The following ASF1A variants were observed in gnomAD, a reference collection of about 807,000 sequenced individuals.
The protein encoded by ASF1A is histone chaperone ASF1A.
ASF1A carries 5 observed loss-of-function variants against 22.0 expected under a neutral mutation model. The ratio of observed to expected loss-of-function variants is 0.23; its 90% CI spans 0.12 to 0.48. ASF1A has a LOEUF of 0.48. Among genes scored for constraint, ASF1A ranks in the 20% least tolerant of loss-of-function variants. The pLI is 0.99. For synonymous variants in ASF1A, 97 were observed against 86.7 expected, an observed-to-expected ratio of 1.12 and a Z score of -0.66; for missense variants, 137 against 240.6, an observed-to-expected ratio of 0.57 and a Z score of 2.85.
In ASF1A at chr6:118,900,762, C is replaced by G. The variant is rs1426733524; in HGVS notation, c.110-4C>G. 2 of 1,598,496 alleles carry G rather than the reference C, an allele frequency of 1.3e-6. No individual in the cohort carries two copies. Among genetic ancestry groups the G allele is most frequent in the Non-Finnish European group, 8.6e-7 (1 of 1,166,042 alleles). ...GAAATAATGCTTTGGTTTTTTAACC[C>G]TAGACTTGGAATGGAAAATTATCTA... is the stretch of plus-strand genomic sequence containing the variant. On this transcript the variant is annotated splice_polypyrimidine_tract_variant and splice_region_variant and intron_variant, in intron 1 of 3. Coordinates refer to ENST00000229595, the MANE Select transcript of ASF1A (RefSeq NM_014034.3).
intron 2 of ASF1A, among the ~76,000 whole-genome samples, chr6:118,901,464 A>T (rs554498213): frequency 6.7e-6 from 1 of 149,172 alleles, no homozygotes; most frequent in South Asian, 2.1e-4. Context: ...ATTATCTTAT[A>T]AGAGGACTAC....
chr6:118,896,648 A>G (rs1478203430), intron 1 of ASF1A, among the ~76,000 whole-genome samples: 1 of 152,158 alleles, frequency 6.6e-6, no homozygotes, highest in Non-Finnish European at 1.5e-5. Flanking sequence ...TTAGTATTTT[A>G]AAAAATATTT....
chr6:118,894,330 C>CT lies in ASF1A; in HGVS notation c.-83dup. 6.6e-7 allele frequency: 1 copy of CT among 1,526,656 alleles called. No homozygotes were observed. Among genetic ancestry groups the CT allele is most frequent in the Non-Finnish European group, 8.8e-7 (1 of 1,139,906 alleles). The allele number at this position is 1,526,656 out of a possible 1,614,324, so 94.6% of individuals were successfully genotyped here. ...GTCTGGCCGGCGCTGGAGCGGGGGT[C>CT]TGCGCTCTCCCGAGCGGCCGCGCGC... On this transcript the variant is annotated 5_prime_UTR_variant, in exon 1 of 4. Transcript: ENST00000229595.
Position 118,907,421 on chromosome 6 carries a change from C to T in ASF1A, c.422C>T (p.Ala141Val). 1 of 1,602,848 alleles carries T rather than the reference C, an allele frequency of 6.2e-7. No individual in the cohort carries two copies. The highest frequency in any genetic ancestry group is 8.5e-7 in the Non-Finnish European group (1 of 1,173,702). ...DFSKLQRNILASNPRVTRFHI... is the reference protein window; with the variant it reads ...DFSKLQRNILVSNPRVTRFHI... ...CTCTAGCTTCAAAGGAATATTTTGG[C>T]ATCTAATCCCAGGGTCACAAGATTC... The change falls in exon 4 of 4, where the codon GCA (alanine) becomes GTA (valine). Residue 141 changes from alanine (A) to valine (V), a missense_variant. Physicochemically the swap from Ala to Val is moderately conservative, Grantham distance 64. Around this residue, in one of 2 missense-constraint regions of ASF1A, gnomAD observed 96 missense variants for 196.7 expected, o/e 0.49. Transcript: ENST00000229595.
rs1295045226 is a variant in ASF1A, at chr6:118,907,450, A to G, written c.451A>G (p.Ile151Val). The change falls in exon 4 of 4, where the codon ATT becomes GTT. Residue 151 changes from isoleucine to valine, a missense_variant. Physicochemically the swap from Ile to Val is conservative, Grantham distance 29. This residue lies in a region of ASF1A where 96 missense variants were observed against 196.7 expected (regional missense o/e 0.49). Coordinates refer to ENST00000229595, the MANE Select transcript of ASF1A (RefSeq NM_014034.3). ...TAATCCCAGGGTCACAAGATTCCAC[A>G]TTAATTGGGAAGATAACACAGAAAA... is the stretch of plus-strand genomic sequence containing the variant. Reference protein sequence around the residue: ...ASNPRVTRFHINWEDNTEKLE... With the variant: ...ASNPRVTRFHVNWEDNTEKLE... 1.2e-6 allele frequency: 2 copies of G among 1,612,054 alleles called. No homozygotes were observed. Among genetic ancestry groups the G allele is most frequent in the East Asian group, 2.2e-5 (1 of 44,830 alleles).
At chr6:118,907,129 CAG>C (rs1195752304) in intron 3 of ASF1A, among the ~76,000 whole-genome samples, 1 of 152,074 alleles carries the variant, frequency 6.6e-6, no homozygotes, top group Non-Finnish European at 1.5e-5. Flanking sequence ...TTTTAGAAAA[CAG>C]AAGTATAGGA....
chr6:118,900,987 C>A, intron 2 of ASF1A, 106 bp downstream of exon 2: 1 of 772,924 alleles, frequency 1.3e-6, no homozygotes, highest in Non-Finnish European at 2.2e-6. Context: ...TAAAGAACTG[C>A]TTCTGCTGCA....
chr6:118,898,298 T>G (rs183818927), intron 1 of ASF1A, among the ~76,000 whole-genome samples: 77 of 152,344 alleles, frequency 5.1e-4, no homozygotes, highest in African/African-American at 1.9e-3. Context: ...AAAATAGGTT[T>G]ATAAATTATG....
chr6:118,901,964 T>C (rs1216635908), intron 2 of ASF1A, among the ~76,000 whole-genome samples: 1 of 152,208 alleles, frequency 6.6e-6, no homozygotes, highest in Non-Finnish European at 1.5e-5. Flanking sequence ...AGCTGCTACC[T>C]TTCCCTCCCC....
At chr6:118,906,830 T>C (rs1257622597) in intron 3 of ASF1A, among the ~76,000 whole-genome samples, 1 of 152,176 alleles carries the variant, frequency 6.6e-6, no homozygotes, top group Non-Finnish European at 1.5e-5. Context: ...GACAATAGAA[T>C]AGAATGTTCT....
Position 118,907,382 on chromosome 6 carries a change from A to T in ASF1A, c.403-20A>T. On this transcript the variant is annotated intron_variant, in intron 3 of 3. Coordinates refer to ENST00000229595, the MANE Select transcript of ASF1A (RefSeq NM_014034.3). ...AACTTTCTTAGTGTTTACCATTTGT[A>T]TGTTTCCTTTTTCCTCTAGCTTCAA... 1 of 1,525,094 alleles carries T rather than the reference A, an allele frequency of 6.6e-7. No individual in the cohort carries two copies. The highest frequency in any genetic ancestry group is 9.0e-7 in the Non-Finnish European group (1 of 1,116,352). The allele number at this position is 1,525,094 out of a possible 1,614,324, so 94.5% of individuals were successfully genotyped here.
intron 1 of ASF1A, among the ~76,000 whole-genome samples, chr6:118,900,221 G>C (rs1779715078): frequency 6.6e-6 from 1 of 152,176 alleles, no homozygotes; most frequent in Non-Finnish European, 1.5e-5. Context: ...TTGATGAGCT[G>C]AAGCCACTTA....
intron 2 of ASF1A, among the ~76,000 whole-genome samples, chr6:118,903,080 C>T (rs886389785): frequency 3.3e-5 from 5 of 152,058 alleles, no homozygotes; most frequent in African/African-American, 1.2e-4. Flanking sequence ...TTGTAAAATG[C>T]TTTTTAAAAG....
chr6:118,907,551 G>T lies in ASF1A; in HGVS notation c.552G>T (p.Lys184Asn). 1 of 1,613,690 alleles carries T rather than the reference G, an allele frequency of 6.2e-7. No individual in the cohort carries two copies. The highest frequency in any genetic ancestry group is 1.1e-5 in the South Asian group (1 of 91,072). Residue 184 changes from lysine to asparagine, a missense_variant, in exon 4 of 4, where the codon AAG becomes AAT. Lys to Asn is a moderately conservative substitution (Grantham distance 94). Coordinates refer to ENST00000229595, the MANE Select transcript of ASF1A (RefSeq NM_014034.3). ...LSTDALPSAS[K>N]GWSTSENSLN... Reference sequence around the variant, plus strand: ...CAGATGCATTACCTTCAGCATCAAAGGGATGGTCCACATCAGAAAACTCAC... The same window carrying T: ...CAGATGCATTACCTTCAGCATCAAATGGATGGTCCACATCAGAAAACTCAC...
intron 3 of ASF1A, 73 bp downstream of exon 3, chr6:118,905,901 T>C (rs1780147596): frequency 1.8e-6 from 2 of 1,130,480 alleles, no homozygotes; most frequent in Non-Finnish European, 1.2e-6. Context: ...TGCAATTTCA[T>C]AGTATACTAT....
At chr6:118,899,976 C>T (rs1779694403) in intron 1 of ASF1A, among the ~76,000 whole-genome samples, 1 of 152,240 alleles carries the variant, frequency 6.6e-6, no homozygotes, top group African/African-American at 2.4e-5. Context: ...TTCTACTCAT[C>T]TCTGGGTTCA....
Position 118,894,306 on chromosome 6 carries a change from T to A in ASF1A, c.-108T>A. ...TTTCTCAAGTCGCCGCTGCACGACGTCTGGCCGGCGCTGGAGCGGGGGTCT... is the reference window on the plus strand; with the variant it reads ...TTTCTCAAGTCGCCGCTGCACGACGACTGGCCGGCGCTGGAGCGGGGGTCT... On this transcript the variant is annotated 5_prime_UTR_variant, in exon 1 of 4. Coordinates refer to ENST00000229595, the MANE Select transcript of ASF1A (RefSeq NM_014034.3). 6.7e-7 allele frequency: 1 copy of A among 1,499,080 alleles called. No homozygotes were observed. The allele number at this position is 1,499,080 out of a possible 1,614,324, so 92.9% of individuals were successfully genotyped here. A position where few individuals can be genotyped will look rare whatever the true frequency, so the allele number is the denominator to read the frequency against.
At chr6:118,897,167 C>T (rs1779480214) in intron 1 of ASF1A, among the ~76,000 whole-genome samples, 1 of 152,074 alleles carries the variant, frequency 6.6e-6, no homozygotes, top group Non-Finnish European at 1.5e-5. Context: ...AAAGAATTTT[C>T]TTAATAAGTT....
intron 2 of ASF1A, among the ~76,000 whole-genome samples, chr6:118,901,398 G>T (rs1366821894): frequency 6.6e-6 from 1 of 152,134 alleles, no homozygotes; most frequent in African/African-American, 2.4e-5. Flanking sequence ...AGAGATGTGT[G>T]GTCTTGGGTC....
Sources: allele counts gnomAD v4.1 joint callset (sites outside exome capture counted in the v4.1 genomes callset), GRCh38; gene constraint gnomAD v4.1.1; regional missense constraint gnomAD v4.1.1; transcripts MANE v1.5; gene names NCBI Gene and HGNC (gene_info 2026-07-23, HGNC 2026-07-21).